FCRL5: variants seen among roughly 807,000 people sequenced by gnomAD.
FCRL5 encodes Fc receptor-like protein 5.
A neutral mutation model predicts 92.1 loss-of-function variants in FCRL5; 79 were observed. The observed-to-expected ratio is 0.86, with a 90% CI of 0.72 to 1.03. FCRL5 has a LOEUF of 1.03. Ranked by LOEUF, FCRL5 falls within the 50% of genes least tolerant of loss-of-function variation. The pLI, the probability that FCRL5 is intolerant of heterozygous loss-of-function variation, is 0.00. For synonymous variants in FCRL5, 466 were observed against 469.3 expected, an observed-to-expected ratio of 0.99 and a Z score of 0.09; for missense variants, 1,160 against 1,181.1, an observed-to-expected ratio of 0.98 and a Z score of 0.26.
chr1:157,518,681 C>T lies in FCRL5; in HGVS notation c.2743+19G>A. ...CCAGCCCTCCAGCTTCTGCCAAATG[C>T]AGGATCCTCGGGCCTCACCATTAGT... is the stretch of plus-strand genomic sequence containing the variant. On this transcript the variant is annotated intron_variant, in intron 14 of 16. Transcript: ENST00000361835. The T allele has an allele frequency of 1.9e-6, 3 of 1,602,376 alleles. No individual in the cohort carries two copies. The highest frequency in any genetic ancestry group is 2.6e-6 in the Non-Finnish European group (3 of 1,174,288).
intron 15 of FCRL5, 166 bp from the exon 16 acceptor site, chr1:157,516,039 A>G (rs1349967016): frequency 1.4e-6 from 1 of 733,554 alleles, no homozygotes; most frequent in Non-Finnish European, 2.4e-6. Flanking sequence ...TCCATTCCCA[A>G]CTCCCTCAGC....
chr1:157,543,617 G>A (rs979996581), intron 5 of FCRL5, among the ~76,000 whole-genome samples: 1 of 152,156 alleles, frequency 6.6e-6, no homozygotes, highest in African/African-American at 2.4e-5. Context: ...TGATCACATT[G>A]CCTCCTTATA....
In FCRL5 at chr1:157,524,273, A is replaced by G; in HGVS notation, c.2239+6T>C. 6.2e-7 allele frequency: 1 copy of G among 1,614,092 alleles called. No individual in the cohort carries two copies. ...GATGTGCTGCTGGTGGGCAGGGCCCACTCACCTGCAACTTTCAGTGTCACC... is the reference window on the plus strand; with the variant it reads ...GATGTGCTGCTGGTGGGCAGGGCCCGCTCACCTGCAACTTTCAGTGTCACC... On this transcript the variant is annotated splice_donor_region_variant and intron_variant, in intron 10 of 16. Transcript: ENST00000361835.
intron 6 of FCRL5, chr1:157,541,758 T>TG (rs1008166641): frequency 5.9e-5 from 9 of 152,284 alleles, no homozygotes; most frequent in Non-Finnish European, 7.3e-5. Context: ...ACGAACTGTG[T>TG]GGGGAAGGCC....
Position 157,515,408 on chromosome 1 carries a change from A to G in FCRL5, c.*267T>C, listed in dbSNP as rs113018154. On this transcript the variant is annotated 3_prime_UTR_variant, in exon 17 of 17. Coordinates refer to ENST00000361835, the MANE Select transcript of FCRL5 (RefSeq NM_031281.3). Reference sequence around the variant, plus strand: ...ACAGCAACCACAGCTGAAGCCCACTAAGGAATCCAGGAGATGTGCTGGGCC... The same window carrying G: ...ACAGCAACCACAGCTGAAGCCCACTGAGGAATCCAGGAGATGTGCTGGGCC... The G allele has an allele frequency of 8.3e-4, 453 of 546,074 alleles. 6 individuals are homozygous for G. The highest frequency in any genetic ancestry group is 7.5e-3 in the African/African-American group (396 of 52,716). The allele number at this position is 546,074 out of a possible 1,614,324, so 33.8% of individuals were successfully genotyped here.
In FCRL5 at chr1:157,534,742, G is replaced by A. The variant is rs374889838; in HGVS notation, c.1553C>T (p.Ser518Leu). ...YHEDMPLWSS[S>L]TPSVGRVSFS... is the part of the protein sequence containing the mutation. ...GGACACTCTTCCCACAGAGGGTGTT[G>A]AGCTGCTCCACAGGGGCATGTCCTC... is the stretch of plus-strand genomic sequence containing the variant. Residue 518 changes from serine (S) to leucine (L), a missense_variant, in exon 8 of 17, where the codon TCA (serine) becomes TTA (leucine). Ser to Leu is a moderately radical substitution (Grantham distance 145, BLOSUM62 -2). Transcript: ENST00000361835. The A allele has an allele frequency of 6.2e-7, 1 of 1,614,016 alleles. No individual in the cohort carries two copies. Among genetic ancestry groups the A allele is most frequent in the Non-Finnish European group, 8.5e-7 (1 of 1,180,030 alleles).
intron 9 of FCRL5, 82 bp from the exon 10 acceptor site, chr1:157,524,639 T>C (rs1372763671): frequency 1.4e-6 from 2 of 1,446,110 alleles, no homozygotes; most frequent in African/African-American, 1.4e-5. Flanking sequence ...AATGGAAGAA[T>C]GTTTTTCTCA....
chr1:157,524,667 G>C, intron 9 of FCRL5, 110 bp from the exon 10 acceptor site: 1 of 1,226,512 alleles, frequency 8.2e-7, no homozygotes, highest in Non-Finnish European at 1.1e-6. Flanking sequence ...ATGCCCTTGT[G>C]ACATTACTCA....
intron 14 of FCRL5, 29 bp from the exon 15 acceptor site, chr1:157,518,526 T>C (rs768013175): frequency 1.9e-6 from 3 of 1,592,816 alleles, no homozygotes; most frequent in Non-Finnish European, 2.6e-6. Flanking sequence ...TTTCAGAGGA[T>C]GCTGAGGTTC....
intron 9 of FCRL5, among the ~76,000 whole-genome samples, chr1:157,525,877 G>T (rs557074913): frequency 2.0e-5 from 3 of 152,340 alleles, no homozygotes; most frequent in East Asian, 1.9e-4. Flanking sequence ...TTCAGTTTTA[G>T]AAATGCTCAG....
At chr1:157,538,345 T>G (rs1160239586) in intron 7 of FCRL5, among the ~76,000 whole-genome samples, 1 of 152,222 alleles carries the variant, frequency 6.6e-6, no homozygotes, top group Non-Finnish European at 1.5e-5. Context: ...CTGGACTCTC[T>G]GTCTCCAGTA....
Position 157,534,875 on chromosome 1 carries a change from C to A in FCRL5, c.1420G>T (p.Val474Phe), listed in dbSNP as rs1478052972. The change falls in exon 8 of 17, where the codon GTC (valine) becomes TTC (phenylalanine). Residue 474 changes from valine (V) to phenylalanine (F), a missense_variant. Coordinates refer to ENST00000361835, the MANE Select transcript of FCRL5 (RefSeq NM_031281.3). ...LSVTVPVSHP[V>F]LTLSSAEALT... ...GCCTCAGCAGAGCTGAGGGTGAGGACAGGATGAGACACAGGGACTGAGGAA... is the reference window on the plus strand; with the variant it reads ...GCCTCAGCAGAGCTGAGGGTGAGGAAAGGATGAGACACAGGGACTGAGGAA... 1 of 1,536,790 alleles carries A rather than the reference C, an allele frequency of 6.5e-7. No homozygotes were observed. The highest frequency in any genetic ancestry group is 2.1e-5 in the Admixed American group (1 of 47,926).
intron 8 of FCRL5, chr1:157,531,884 G>A (rs528118758): frequency 6.6e-6 from 1 of 152,272 alleles, no homozygotes; most frequent in Admixed American, 6.5e-5. Flanking sequence ...GTTATAATTT[G>A]ACAGGAGGAA....
At chr1:157,534,213 T>C in intron 8 of FCRL5, 1 of 534,976 alleles carries the variant, frequency 1.9e-6, no homozygotes, top group South Asian at 1.8e-5. Context: ...AAATCTACCA[T>C]AAGATTGGAA....
rs1376317193 is a variant in FCRL5, at chr1:157,521,169, T to C, written c.2363A>G (p.His788Arg). Reference protein sequence around the residue: ...GSPLILYRFFHEDVTLGNRSS... With the variant: ...GSPLILYRFFREDVTLGNRSS... ...CCTATTTCCTAGGGTGACATCCTCATGAAAAAACCGGTACAGGATCAGGGG... is the reference window on the plus strand; with the variant it reads ...CCTATTTCCTAGGGTGACATCCTCACGAAAAAACCGGTACAGGATCAGGGG... Residue 788 changes from histidine to arginine, a missense_variant, in exon 11 of 17, where the codon CAT becomes CGT. Physicochemically the swap from His to Arg is conservative, Grantham distance 29. Transcript: ENST00000361835. 2 of 1,614,054 alleles carry C rather than the reference T, an allele frequency of 1.2e-6. No homozygotes were observed. The highest frequency in any genetic ancestry group is 8.5e-7 in the Non-Finnish European group (1 of 1,180,012).
At chr1:157,542,761 A>G (rs1446904399) in intron 6 of FCRL5, 98 bp downstream of exon 6, 1 of 1,398,214 alleles carries the variant, frequency 7.2e-7, no homozygotes, top group East Asian at 2.3e-5. Context: ...CCAAGAAAGA[A>G]ACTGAGGATA....
At chr1:157,537,297 A>C (rs1353767279) in intron 7 of FCRL5, among the ~76,000 whole-genome samples, 1 of 152,180 alleles carries the variant, frequency 6.6e-6, no homozygotes, top group Admixed American at 6.5e-5. Flanking sequence ...GAGGCCTCTG[A>C]AATGGCCGCT....
intron 9 of FCRL5, among the ~76,000 whole-genome samples, chr1:157,524,815 T>C (rs1193660075): frequency 6.6e-6 from 1 of 152,184 alleles, no homozygotes; most frequent in Non-Finnish European, 1.5e-5. Flanking sequence ...CTCAGGTGTC[T>C]TAGAGGTAAA....
At position 157,520,564 on chromosome 1, in the gene FCRL5, G is replaced by A. The variant is rs751879923; in HGVS notation, c.2516-17C>T. ...CGGTCAGCCCTGAGGGGGAGACCCTGTGTGTGAGCCAGAGGAGAGGCTGTG... is the reference window on the plus strand; with the variant it reads ...CGGTCAGCCCTGAGGGGGAGACCCTATGTGTGAGCCAGAGGAGAGGCTGTG... On this transcript the variant is annotated splice_polypyrimidine_tract_variant and intron_variant, in intron 11 of 16. Coordinates refer to ENST00000361835, the MANE Select transcript of FCRL5 (RefSeq NM_031281.3). The A allele has an allele frequency of 1.9e-6, 3 of 1,570,820 alleles. No homozygotes were observed. Among genetic ancestry groups the A allele is most frequent in the African/African-American group, 2.7e-5 (2 of 73,938 alleles).
Sources: allele counts gnomAD v4.1 joint callset (sites outside exome capture counted in the v4.1 genomes callset), GRCh38; gene constraint gnomAD v4.1.1; transcripts MANE v1.5; gene names NCBI Gene and HGNC (gene_info 2026-07-23, HGNC 2026-07-21).